Variants in PLEKHB2 observed in about 807,000 individuals in gnomAD.
The protein encoded by PLEKHB2 is pleckstrin homology domain-containing family B member 2.
A neutral mutation model predicts 36.5 loss-of-function variants in PLEKHB2; 31 were observed. The ratio of observed to expected loss-of-function variants is 0.85; its 90% confidence interval spans 0.64 to 1.15. The LOEUF (loss-of-function observed/expected upper bound fraction) is 1.15. Ranked by LOEUF, PLEKHB2 falls within the 50% of genes most tolerant of loss-of-function variation. The pLI is 0.00. For missense variants in PLEKHB2, 262 were observed against 295.3 expected (o/e 0.89, Z 0.83); for synonymous variants, 119 against 112.0 (o/e 1.06, Z -0.39).
chr2:131,123,860 T>C (rs1315499831), intron 2 of PLEKHB2, among the ~76,000 whole-genome samples: 2 of 144,532 alleles, frequency 1.4e-5, no homozygotes, highest in South Asian at 2.3e-4. Context: ...TTTTTTTTTT[T>C]CTTTTTAAGA....
At chr2:131,111,147 A>C (rs1695276282) in intron 1 of PLEKHB2, among the ~76,000 whole-genome samples, 1 of 150,756 alleles carries the variant, frequency 6.6e-6, no homozygotes, top group Non-Finnish European at 1.5e-5. Flanking sequence ...TGGGACTACA[A>C]GTGCGTGCCA....
Position 131,144,419 on chromosome 2 carries a change from A to G in PLEKHB2, c.533-2218A>G, listed in dbSNP as rs1324104754. ...TTTCTGTCTTGTAGAGACCATCCTC[A>G]TGACACGTCATTGCACTGCAGTTTC... On this transcript the variant is annotated intron_variant, in intron 7 of 7. Transcript: ENST00000693505. 4.9e-6 allele frequency: 6 copies of G among 1,229,220 alleles called. No homozygotes were observed. The East Asian group carries it at 1.6e-4, about 32-fold the overall frequency. The allele number at this position is 1,229,220 out of a possible 1,614,324, so 76.1% of individuals were successfully genotyped here. A position where few individuals can be genotyped will look rare whatever the true frequency, so the allele number is the denominator to read the frequency against.
intron 1 of PLEKHB2, among the ~76,000 whole-genome samples, chr2:131,118,457 A>G (rs2059421): frequency 0.84 from 127,629 of 152,062 alleles, 53,969 homozygotes; most frequent in African/African-American, 0.94. Context: ...TGAGAAGTCA[A>G]CCATGCTTAG....
At chr2:131,134,758 T>C (rs531001464) in intron 6 of PLEKHB2, among the ~76,000 whole-genome samples, 1 of 152,362 alleles carries the variant, frequency 6.6e-6, no homozygotes, top group East Asian at 1.9e-4. Context: ...CAATGAAATC[T>C]TGCAAGGCTT....
intron 1 of PLEKHB2, among the ~76,000 whole-genome samples, chr2:131,113,970 C>T (rs1275944507): frequency 2.0e-5 from 3 of 152,104 alleles, no homozygotes; most frequent in African/African-American, 7.2e-5. Context: ...CAGGAGTTGG[C>T]TTGCTGTGTT....
chr2:131,133,102 C>A, intron 6 of PLEKHB2, 111 bp downstream of exon 6: 2 of 686,166 alleles, frequency 2.9e-6, no homozygotes, highest in Non-Finnish European at 2.6e-6. Flanking sequence ...ACCTTTTCTT[C>A]TTAAAACAGA....
chr2:131,130,973 G>C (rs1437658564), intron 5 of PLEKHB2, among the ~76,000 whole-genome samples: 2 of 152,074 alleles, frequency 1.3e-5, no homozygotes, highest in East Asian at 3.9e-4. Context: ...TTTTTTTGTA[G>C]AGACGAAGTC....
At chr2:131,136,156 G>A (rs1698226105) in intron 6 of PLEKHB2, among the ~76,000 whole-genome samples, 1 of 147,276 alleles carries the variant, frequency 6.8e-6, no homozygotes, top group African/African-American at 2.6e-5. Flanking sequence ...CTGTCTTCCT[G>A]CCTCCTCCCT....
chr2:131,125,490 G>A (rs550198317), intron 2 of PLEKHB2, among the ~76,000 whole-genome samples: 1 of 152,278 alleles, frequency 6.6e-6, no homozygotes, highest in African/African-American at 2.4e-5. Flanking sequence ...TGTTTCTGCT[G>A]TGAATTAGAG....
intron 4 of PLEKHB2, among the ~76,000 whole-genome samples, chr2:131,130,506 G>T (rs1210538166): frequency 6.6e-6 from 1 of 152,124 alleles, no homozygotes; most frequent in Non-Finnish European, 1.5e-5. Context: ...AAAGTAAAAA[G>T]TATAGTATAG....
In PLEKHB2 at chr2:131,146,979, G is replaced by A. The variant is rs372423721; in HGVS notation, c.*206G>A. The A allele has an allele frequency of 1.7e-5, 7 of 424,164 alleles. No homozygotes were observed. Among genetic ancestry groups the A allele is most frequent in the African/African-American group, 6.1e-5 (3 of 49,292 alleles). 26.3% of individuals were successfully genotyped at this position (424,164 alleles called of 1,614,324 possible). Reference sequence around the variant, plus strand: ...TATTTTGTTCAAATGTTGACTCTCCGGGGGCACTGGCTCATTCCAAGACTG... The same window carrying A: ...TATTTTGTTCAAATGTTGACTCTCCAGGGGCACTGGCTCATTCCAAGACTG... On this transcript the variant is annotated 3_prime_UTR_variant, in exon 8 of 8. Transcript: ENST00000693505.
At chr2:131,108,165 A>G (rs1354561054) in intron 1 of PLEKHB2, 4 of 152,228 alleles carry the variant, frequency 2.6e-5, no homozygotes, top group Non-Finnish European at 5.9e-5. Flanking sequence ...TCAGATTCCA[A>G]AGGCAGTATT....
chr2:131,124,830 G>A (rs187948047), intron 2 of PLEKHB2, among the ~76,000 whole-genome samples: 1 of 151,808 alleles, frequency 6.6e-6, no homozygotes, highest in East Asian at 1.9e-4. Context: ...CTGTCCCCCA[G>A]GTTGGAGGGC....
chr2:131,143,836 T>G (rs1188191846), intron 7 of PLEKHB2, among the ~76,000 whole-genome samples: 1 of 152,244 alleles, frequency 6.6e-6, no homozygotes, highest in African/African-American at 2.4e-5. Flanking sequence ...TGCCGCTGTT[T>G]CTTACTGTAT....
chr2:131,146,893 G>T lies in PLEKHB2; in HGVS notation c.*120G>T. ...AATAGTTTTAATCATTCCTTTGAAA[G>T]TAGTGATGTCATAATTGTACTAATC... is the stretch of plus-strand genomic sequence containing the variant. On this transcript the variant is annotated 3_prime_UTR_variant, in exon 8 of 8. Coordinates refer to ENST00000693505, the MANE Select transcript of PLEKHB2 (RefSeq NM_001100623.2). 2.4e-6 allele frequency: 2 copies of T among 827,322 alleles called. No homozygotes were observed. Among genetic ancestry groups the T allele is most frequent in the East Asian group, 5.1e-5 (2 of 38,958 alleles). The allele number at this position is 827,322 out of a possible 1,614,324, so 51.2% of individuals were successfully genotyped here.
intron 1 of PLEKHB2, among the ~76,000 whole-genome samples, chr2:131,111,770 C>T (rs537964146): frequency 2.6e-5 from 4 of 151,778 alleles, no homozygotes; most frequent in South Asian, 4.2e-4. Flanking sequence ...GGATTATAGG[C>T]GTGAGCCACT....
chr2:131,136,102 T>C (rs1698217799), intron 6 of PLEKHB2, among the ~76,000 whole-genome samples: 1 of 152,046 alleles, frequency 6.6e-6, no homozygotes, highest in Non-Finnish European at 1.5e-5. Flanking sequence ...TTTTTCTAGT[T>C]TCCAGGAGTG....
intron 5 of PLEKHB2, among the ~76,000 whole-genome samples, chr2:131,131,174 G>A (rs977015199): frequency 1.3e-5 from 2 of 152,216 alleles, no homozygotes; most frequent in African/African-American, 4.8e-5. Context: ...GAATGGGCAG[G>A]TAGTGCTGGG....
At chr2:131,112,581 T>G (rs1472887293) in intron 1 of PLEKHB2, among the ~76,000 whole-genome samples, 1 of 152,174 alleles carries the variant, frequency 6.6e-6, no homozygotes, top group Non-Finnish European at 1.5e-5. Context: ...ATGCTTTGAG[T>G]AGCAACAGTT....
Sources: gnomAD v4.1 joint callset for allele counts (sites outside exome capture counted in the v4.1 genomes callset) on GRCh38, gnomAD v4.1.1 for gene constraint, MANE v1.5 for transcripts, NCBI Gene and HGNC (gene_info 2026-07-23, HGNC 2026-07-21) for gene names.